Variants in ANO4 observed in about 807,000 individuals in gnomAD.
The protein encoded by ANO4 is anoctamin 4, also known as anoctamin-4.
ANO4 carries 69 observed loss-of-function variants against 141.9 expected under a neutral mutation model. The observed-to-expected ratio is 0.49, with a 90% confidence interval of 0.40 to 0.59. The LOEUF (loss-of-function observed/expected upper bound fraction) is 0.59, where lower values mean the gene tolerates loss of function less well. ANO4 is among the 20% of genes least tolerant of loss of function. ANO4 has a pLI of 0.00. For synonymous variants in ANO4, 350 were observed against 394.3 expected (o/e 0.89, Z 1.33); for missense variants, 894 against 1,162.2 (o/e 0.77, Z 3.36).
At chr12:100,854,929 T>C (rs982332955) in intron 1 of ANO4, among the ~76,000 whole-genome samples, 1 of 152,152 alleles carries the variant, frequency 6.6e-6, no homozygotes, top group Non-Finnish European at 1.5e-5. Flanking sequence ...CTGGGTGGCA[T>C]TTTGAGGTCT....
chr12:101,094,231 T>TA (rs1262606432), intron 17 of ANO4, 25 bp from the exon 18 acceptor site: 10 of 1,595,738 alleles, frequency 6.3e-6, no homozygotes, highest in Non-Finnish European at 3.4e-6. Context: ...GTTCATTTAT[T>TA]AAATGCATGA....
intron 1 of ANO4, among the ~76,000 whole-genome samples, chr12:100,862,069 A>C (rs1277296012): frequency 6.6e-6 from 1 of 151,968 alleles, no homozygotes; most frequent in Non-Finnish European, 1.5e-5. Flanking sequence ...TTAACTTTTA[A>C]ATTTAATTTA....
At chr12:100,979,417 A>G (rs1183115165) in intron 7 of ANO4, among the ~76,000 whole-genome samples, 3 of 152,102 alleles carry the variant, frequency 2.0e-5, no homozygotes, top group Non-Finnish European at 4.4e-5. Context: ...CCCAAGTGAT[A>G]CCTGTGCTGA....
chr12:100,842,622 T>G (rs539820773), intron 1 of ANO4, among the ~76,000 whole-genome samples: 2 of 152,190 alleles, frequency 1.3e-5, no homozygotes, highest in South Asian at 4.1e-4. Context: ...TAATAGAAAT[T>G]TGTTTCTCCC....
At chr12:101,058,639 T>A (rs2048225368) in intron 14 of ANO4, among the ~76,000 whole-genome samples, 1 of 152,200 alleles carries the variant, frequency 6.6e-6, no homozygotes, top group African/African-American at 2.4e-5. Context: ...GAATGGGAGT[T>A]CATTCATGAT....
chr12:101,031,612 T>C (rs968562712), intron 9 of ANO4, among the ~76,000 whole-genome samples: 6 of 152,170 alleles, frequency 3.9e-5, no homozygotes, highest in African/African-American at 1.4e-4. Flanking sequence ...AAATAAAGTG[T>C]ATTCAAATAG....
At chr12:100,832,087 C>T (rs149779670) in intron 1 of ANO4, among the ~76,000 whole-genome samples, 64 of 152,096 alleles carry the variant, frequency 4.2e-4, no homozygotes, top group Non-Finnish European at 6.5e-4. Flanking sequence ...TTCAGGTATG[C>T]ACATGTTTAT....
At chr12:100,788,390 G>A (rs781033135) in intron 3 of ANO4, among the ~76,000 whole-genome samples, 4 of 152,226 alleles carry the variant, frequency 2.6e-5, no homozygotes, top group African/African-American at 4.8e-5. Context: ...AGTTATAGAG[G>A]TGAGGATCAG....
intron 3 of ANO4, among the ~76,000 whole-genome samples, 193 bp downstream of exon 3, chr12:100,922,523 A>T (rs2041676657): frequency 6.6e-6 from 1 of 152,164 alleles, no homozygotes; most frequent in Non-Finnish European, 1.5e-5. Flanking sequence ...TGTGAGATTA[A>T]ATCACATAAT....
chr12:100,842,076 C>CGG, intron 1 of ANO4: 1 of 96,748 alleles, frequency 1.0e-5, no homozygotes, highest in Admixed American at 1.1e-4. Context: ...CCCCCCCCCC[C>CGG]CACTGAAAGC....
chr12:101,025,820 G>C (rs778098465), intron 9 of ANO4, among the ~76,000 whole-genome samples: 1 of 152,028 alleles, frequency 6.6e-6, no homozygotes. Context: ...AACTAAAAAA[G>C]AAAAACCATA....
rs1371426938 is a variant in ANO4 at position 100,987,739 on chromosome 12, G to A, written c.734+69G>A. ...GCTGTGGTAGAGCCTCACCCTGCACGCCTTTGATTCCTGGGCATGAGGAAG... is the reference window on the plus strand; with the variant it reads ...GCTGTGGTAGAGCCTCACCCTGCACACCTTTGATTCCTGGGCATGAGGAAG... On this transcript the variant is annotated intron_variant, in intron 8 of 27. Coordinates refer to ENST00000392977, the MANE Select transcript of ANO4 (RefSeq NM_001286615.2). 13 of 1,572,892 alleles carry A rather than the reference G, an allele frequency of 8.3e-6. No individual in the cohort carries two copies. The East Asian group carries it at 9.0e-5, about 11-fold the overall frequency.
intron 8 of ANO4, among the ~76,000 whole-genome samples, chr12:101,007,126 G>A (rs951043175): frequency 7.2e-5 from 11 of 152,288 alleles, no homozygotes; most frequent in African/African-American, 2.6e-4. Context: ...GCCGAGGTGG[G>A]TGTATCACTT....
chr12:100,930,057 G>C (rs2042026864), intron 3 of ANO4, among the ~76,000 whole-genome samples: 1 of 152,140 alleles, frequency 6.6e-6, no homozygotes, highest in South Asian at 2.1e-4. Flanking sequence ...AGTTGTTTGA[G>C]CTCCATATAT....
chr12:100,795,184 A>T (rs1291533714), intron 1 of ANO4, among the ~76,000 whole-genome samples, 157 bp downstream of exon 1: 1 of 152,080 alleles, frequency 6.6e-6, no homozygotes, highest in East Asian at 1.9e-4. Context: ...GCCAGGGGTC[A>T]TTTGCCTGGA....
chr12:101,110,020 T>C (rs933112238), intron 22 of ANO4, among the ~76,000 whole-genome samples: 2 of 152,188 alleles, frequency 1.3e-5, no homozygotes, highest in African/African-American at 4.8e-5. Flanking sequence ...CTGTGTCCTA[T>C]TGGCATGTCC....
chr12:100,928,106 A>T (rs1036294478), intron 3 of ANO4, among the ~76,000 whole-genome samples: 1 of 127,840 alleles, frequency 7.8e-6, no homozygotes, highest in African/African-American at 2.9e-5. Flanking sequence ...CTGATTTCCA[A>T]TTTTATTTTT....
Position 100,942,357 on chromosome 12 carries a change from C to G in ANO4, c.298-20C>G. ...AATTTGATGAATGACTTAAACTGGTCCCTTTCTCTTTGTGTGCAGACAGTG... is the reference window on the plus strand; with the variant it reads ...AATTTGATGAATGACTTAAACTGGTGCCTTTCTCTTTGTGTGCAGACAGTG... On this transcript the variant is annotated intron_variant, in intron 4 of 27. Transcript: ENST00000392977. The G allele has an allele frequency of 1.2e-6, 2 of 1,607,398 alleles. No homozygotes were observed. The highest frequency in any genetic ancestry group is 1.7e-6 in the Non-Finnish European group (2 of 1,177,860).
At chr12:100,744,122 G>A (rs2031994133) in intron 3 of ANO4, among the ~76,000 whole-genome samples, 1 of 152,068 alleles carries the variant, frequency 6.6e-6, no homozygotes, top group Non-Finnish European at 1.5e-5. Flanking sequence ...TTTTACATGT[G>A]TATTTATAAG....
Sources: gnomAD v4.1 joint callset for allele counts (sites outside exome capture counted in the v4.1 genomes callset) on GRCh38, gnomAD v4.1.1 for gene constraint, MANE v1.5 for transcripts, NCBI Gene and HGNC (gene_info 2026-07-23, HGNC 2026-07-21) for gene names.